Variants in KHDRBS2 observed in about 807,000 individuals in gnomAD.
KHDRBS2 encodes KH RNA binding domain containing, signal transduction associated 2.
Under a neutral mutation model 44.3 loss-of-function variants are expected in KHDRBS2, and 26 were observed. The ratio of observed to expected loss-of-function variants is 0.59; its 90% CI spans 0.43 to 0.81. The LOEUF (loss-of-function observed/expected upper bound fraction) is 0.81, where lower values mean the gene tolerates loss of function less well. Among genes scored for constraint, KHDRBS2 ranks in the 40% least tolerant of loss-of-function variants. KHDRBS2 has a pLI of 0.00. For missense variants in KHDRBS2, 476 were observed against 433.1 expected (o/e 1.10, Z -0.88); for synonymous variants, 194 against 151.1 (o/e 1.28, Z -2.08).
At chr6:62,000,305 A>C (rs1285618844) in intron 3 of KHDRBS2, among the ~76,000 whole-genome samples, 1 of 152,198 alleles carries the variant, frequency 6.6e-6, no homozygotes, top group Non-Finnish European at 1.5e-5. Context: ...AAATGTCACT[A>C]ATTGATCTCA....
chr6:61,776,750 A>G (rs1782094347), intron 6 of KHDRBS2, among the ~76,000 whole-genome samples: 1 of 152,186 alleles, frequency 6.6e-6, no homozygotes, highest in Admixed American at 6.5e-5. Flanking sequence ...GGGATATAGA[A>G]CTAGAAATAC....
At chr6:61,743,937 T>C (rs1417940753) in intron 6 of KHDRBS2, among the ~76,000 whole-genome samples, 4 of 152,032 alleles carry the variant, frequency 2.6e-5, no homozygotes, top group Non-Finnish European at 4.4e-5. Context: ...GTTTCATCCA[T>C]GTCCCTACAA....
chr6:61,697,693 T>G (rs1380122659), intron 7 of KHDRBS2, among the ~76,000 whole-genome samples: 2 of 152,126 alleles, frequency 1.3e-5, no homozygotes, highest in Non-Finnish European at 2.9e-5. Context: ...CTTTATCCCT[T>G]TTACATCATG....
intron 3 of KHDRBS2, among the ~76,000 whole-genome samples, chr6:62,004,665 C>T (rs1471180594): frequency 1.3e-5 from 2 of 152,040 alleles, no homozygotes; most frequent in Admixed American, 1.3e-4. Context: ...TTTTATGAGG[C>T]CAGCATCATA....
intron 6 of KHDRBS2, among the ~76,000 whole-genome samples, chr6:61,825,489 A>G (rs766271787): frequency 6.6e-5 from 10 of 152,256 alleles, no homozygotes; most frequent in Non-Finnish European, 1.2e-4. Flanking sequence ...TATCCTAAAT[A>G]TTTTTTGTAG....
chr6:61,562,871 T>C, the KHDRBS2 span, among the ~76,000 whole-genome samples: 2 of 152,176 alleles, frequency 1.3e-5, no homozygotes, highest in East Asian at 3.8e-4. Flanking sequence ...TGTCAAGTCC[T>C]CTTACATGAG....
intron 2 of KHDRBS2, among the ~76,000 whole-genome samples, chr6:62,125,813 C>G (rs1808824559): frequency 6.6e-6 from 1 of 152,158 alleles, no homozygotes; most frequent in Non-Finnish European, 1.5e-5. Flanking sequence ...GACTAAAGAG[C>G]CTCTGATCCT....
chr6:61,930,747 A>ATT (rs1346530807), intron 4 of KHDRBS2, among the ~76,000 whole-genome samples: 1 of 151,416 alleles, frequency 6.6e-6, no homozygotes, highest in South Asian at 2.1e-4. Context: ...AGTCAACATA[A>ATT]GTCAAATGAA....
chr6:61,912,480 T>G (rs556883148), intron 4 of KHDRBS2, among the ~76,000 whole-genome samples: 1 of 152,290 alleles, frequency 6.6e-6, no homozygotes, highest in East Asian at 1.9e-4. Flanking sequence ...TTTGCCTGTC[T>G]TTGAGGTGAA....
intron 2 of KHDRBS2, among the ~76,000 whole-genome samples, chr6:62,108,451 G>T (rs1357785700): frequency 6.6e-6 from 1 of 152,056 alleles, no homozygotes; most frequent in Non-Finnish European, 1.5e-5. Context: ...GAAACAACAG[G>T]TGCTGGAGAG....
intron 2 of KHDRBS2, among the ~76,000 whole-genome samples, chr6:62,139,047 C>A (rs1281145596): frequency 3.3e-5 from 5 of 151,766 alleles, no homozygotes; most frequent in Non-Finnish European, 5.9e-5. Context: ...GTGCTGAAAA[C>A]AAATTGCTTG....
chr6:61,967,600 T>A (rs1304701168), intron 4 of KHDRBS2, among the ~76,000 whole-genome samples: 3 of 151,612 alleles, frequency 2.0e-5, no homozygotes, highest in African/African-American at 7.3e-5. Flanking sequence ...CAGGAGTGAG[T>A]AGAAGCTCTG....
chr6:62,037,404 A>G (rs1785507619), intron 3 of KHDRBS2, among the ~76,000 whole-genome samples: 2 of 151,926 alleles, frequency 1.3e-5, no homozygotes, highest in South Asian at 4.1e-4. Flanking sequence ...AATGAGAGTC[A>G]TTTGGTGTTT....
intron 3 of KHDRBS2, among the ~76,000 whole-genome samples, chr6:62,034,710 A>C (rs867002496): frequency 5.4e-4 from 82 of 151,284 alleles, no homozygotes; most frequent in African/African-American, 1.9e-3. Context: ...AAAAAAAAAA[A>C]AAAAAACCTT....
chr6:61,697,978 C>T (rs1044878600), intron 7 of KHDRBS2, among the ~76,000 whole-genome samples: 3 of 152,124 alleles, frequency 2.0e-5, no homozygotes, highest in African/African-American at 7.2e-5. Flanking sequence ...TTCCTTCTAG[C>T]AACTATCCCA....
At position 62,142,760 on chromosome 6, in the gene KHDRBS2, A is replaced by T. The variant is rs1472859136; in HGVS notation, c.219+34425T>A. ...TAAAAAATGTATTTTGAAGTCCTAA[A>T]AATGATCTTCATATTTCAAACAAGC... On this transcript the variant is annotated intron_variant, in intron 2 of 8. Transcript: ENST00000281156. Among the ~76,000 whole-genome samples the T allele has an allele frequency of 2.0e-5, 3 of 151,884 alleles. No homozygotes were observed. The East Asian group carries it at 5.8e-4, about 29-fold the overall frequency.
At chr6:61,988,859 C>T (rs1775579147) in intron 3 of KHDRBS2, among the ~76,000 whole-genome samples, 1 of 152,148 alleles carries the variant, frequency 6.6e-6, no homozygotes, top group Non-Finnish European at 1.5e-5. Flanking sequence ...GCAACCAATA[C>T]TAGCAGTCAT....
At position 62,285,719 on chromosome 6, in the gene KHDRBS2, C is replaced by T; in HGVS notation, c.91+139G>A. ...CAAGAACGGGGTCTGTCCGCCCGAGCTCTAAGGCGAGCATCTTCAGGGGGA... is the reference window on the plus strand; with the variant it reads ...CAAGAACGGGGTCTGTCCGCCCGAGTTCTAAGGCGAGCATCTTCAGGGGGA... On this transcript the variant is annotated intron_variant, in intron 1 of 8. Coordinates refer to ENST00000281156, the MANE Select transcript of KHDRBS2 (RefSeq NM_152688.4). 4.9e-6 allele frequency: 3 copies of T among 614,320 alleles called. No individual in the cohort carries two copies. In the South Asian group the frequency reaches 5.9e-5, roughly 12 times the overall value. 38.1% of individuals were successfully genotyped at this position (614,320 alleles called of 1,614,324 possible).
intron 1 of KHDRBS2, among the ~76,000 whole-genome samples, chr6:62,275,830 T>C (rs570915692): frequency 2.9e-4 from 44 of 152,194 alleles, no homozygotes; most frequent in African/African-American, 7.2e-5. Context: ...AAAATCCAAA[T>C]TGATTGTACT....
Sources: gnomAD v4.1 joint callset for allele counts (sites outside exome capture counted in the v4.1 genomes callset) on GRCh38, gnomAD v4.1.1 for gene constraint, MANE v1.5 for transcripts, NCBI Gene and HGNC (gene_info 2026-07-23, HGNC 2026-07-21) for gene names.